The following ERC2 variants were observed in gnomAD, a reference collection of about 807,000 sequenced individuals.
ERC2 encodes the protein ELKS/RAB6-interacting/CAST family member 2, also known as ERC protein 2.
Under a neutral mutation model 114.8 loss-of-function variants are expected in ERC2, and 42 were observed. That is an observed-to-expected ratio of 0.37 (90% confidence interval 0.29 to 0.47). The LOEUF (loss-of-function observed/expected upper bound fraction) is 0.47. ERC2 is among the 20% of genes least tolerant of loss of function. The pLI, the probability that ERC2 is intolerant of heterozygous loss-of-function variation, is 0.99. For synonymous variants in ERC2, 454 were observed against 425.5 expected (o/e 1.07, Z -0.82); for missense variants, 939 against 1,150.7 (o/e 0.82, Z 2.66).
intron 7 of ERC2, among the ~76,000 whole-genome samples, chr3:56,055,726 G>A (rs2075984504): frequency 6.6e-6 from 1 of 152,182 alleles, no homozygotes; most frequent in South Asian, 2.1e-4. Flanking sequence ...CACAGCTGCA[G>A]AGAGACTCTT....
At chr3:55,848,107 T>C (rs552197567) in intron 14 of ERC2, among the ~76,000 whole-genome samples, 79 of 152,106 alleles carry the variant, frequency 5.2e-4, no homozygotes, top group African/African-American at 1.8e-3. Context: ...TAGGATATTA[T>C]CACTTTGAAA....
intron 13 of ERC2, among the ~76,000 whole-genome samples, chr3:55,910,771 A>T (rs1013085159): frequency 2.0e-5 from 3 of 152,230 alleles, no homozygotes; most frequent in African/African-American, 7.2e-5. Flanking sequence ...ACTTGCCCAC[A>T]GTCACACAGC....
chr3:55,714,866 C>G (rs7636136), intron 15 of ERC2, among the ~76,000 whole-genome samples: 2,822 of 150,456 alleles, frequency 0.019, 34 homozygotes, highest in Middle Eastern at 0.031. Flanking sequence ...AAAAAGGTTT[C>G]TCTGCTCCCT....
At chr3:55,554,898 A>G (rs74507221) in intron 17 of ERC2, among the ~76,000 whole-genome samples, 11,845 of 152,196 alleles carry the variant, frequency 0.078, 635 homozygotes, top group African/African-American at 0.14. Flanking sequence ...CTAAGCTTTC[A>G]GCTTACCCCA....
rs574793926 is a variant in ERC2, at chr3:56,368,806, A to C, written c.657+65545T>G. ...TAGCATCTTTATAATCTTCTTGTCTATTGAGAAAAAAAAAATCAGAAAAAA... is the reference window on the plus strand; with the variant it reads ...TAGCATCTTTATAATCTTCTTGTCTCTTGAGAAAAAAAAAATCAGAAAAAA... On this transcript the variant is annotated intron_variant, in intron 2 of 17. Coordinates refer to ENST00000288221, the MANE Select transcript of ERC2 (RefSeq NM_015576.3). 9.0e-4 allele frequency among the ~76,000 whole-genome samples: 136 copies of C among 151,796 alleles called. 2 individuals are homozygous for C. In the South Asian group the frequency reaches 0.028, roughly 31 times the overall value.
intron 10 of ERC2, among the ~76,000 whole-genome samples, chr3:56,005,491 T>C (rs2072411635): frequency 6.6e-6 from 1 of 152,082 alleles, no homozygotes; most frequent in Non-Finnish European, 1.5e-5. Flanking sequence ...ACACGAAAAG[T>C]ATAAGCAACA....
chr3:55,971,103 T>TA (rs113033631), intron 12 of ERC2, among the ~76,000 whole-genome samples: 2,026 of 152,140 alleles, frequency 0.013, 46 homozygotes, highest in African/African-American at 0.046. Context: ...ACATAATATA[T>TA]AATCCCAATT....
At chr3:55,757,128 C>CA (rs1192561488) in intron 14 of ERC2, among the ~76,000 whole-genome samples, 1 of 152,148 alleles carries the variant, frequency 6.6e-6, no homozygotes, top group Non-Finnish European at 1.5e-5. Flanking sequence ...GAAAAGAACA[C>CA]AGAACACCAC....
chr3:55,566,470 T>G (rs1437732748), intron 17 of ERC2, among the ~76,000 whole-genome samples: 1 of 151,636 alleles, frequency 6.6e-6, no homozygotes, highest in Non-Finnish European at 1.5e-5. Context: ...TTGCCCAGGT[T>G]GAACAGGTTG....
intron 4 of ERC2, among the ~76,000 whole-genome samples, chr3:56,166,883 T>A (rs1194569117): frequency 6.6e-6 from 1 of 152,086 alleles, no homozygotes; most frequent in Admixed American, 6.6e-5. Context: ...TTACCCTCTA[T>A]TTATTTAATG....
In ERC2 at chr3:56,409,772, G is replaced by T. The variant is rs910863650; in HGVS notation, c.657+24579C>A. 2.0e-5 allele frequency among the ~76,000 whole-genome samples: 3 copies of T among 152,164 alleles called. No individual in the cohort carries two copies. In the East Asian group the frequency reaches 5.8e-4, roughly 29 times the overall value. On this transcript the variant is annotated intron_variant, in intron 2 of 17. Transcript: ENST00000288221. ...ACTCCCTGACCCCCAGCTATACCTT[G>T]GTTCCTATTATCAGATTTCTAGAAG...
At chr3:55,705,460 G>A (rs1245776683) in intron 15 of ERC2, among the ~76,000 whole-genome samples, 1 of 152,180 alleles carries the variant, frequency 6.6e-6, no homozygotes, top group African/African-American at 2.4e-5. Context: ...GGAAATGTAT[G>A]TGAGATGAAA....
intron 3 of ERC2, among the ~76,000 whole-genome samples, chr3:56,179,664 C>T (rs1311815902): frequency 2.0e-5 from 3 of 151,502 alleles, no homozygotes; most frequent in African/African-American, 7.3e-5. Flanking sequence ...AAGAGAGAAG[C>T]AAAAGATGGC....
chr3:55,598,848 C>T (rs2058270552), intron 17 of ERC2, among the ~76,000 whole-genome samples: 1 of 152,174 alleles, frequency 6.6e-6, no homozygotes, highest in African/African-American at 2.4e-5. Flanking sequence ...GAACATTCTT[C>T]TTTGACCTAA....
chr3:56,054,268 GTGA>G, intron 7 of ERC2, among the ~76,000 whole-genome samples: 1 of 152,352 alleles, frequency 6.6e-6, no homozygotes, highest in East Asian at 1.9e-4. Flanking sequence ...ATGGGCCAGA[GTGA>G]TGAATCTGCT....
chr3:55,805,835 C>G lies in ERC2; in HGVS notation c.2565-70917G>C, dbSNP rs191317446. On this transcript the variant is annotated intron_variant, in intron 14 of 17. Transcript: ENST00000288221. Reference sequence around the variant, plus strand: ...CTTTGGCCCCTGTCTGGTTCAGATGCCTGTAATTAAACTCAACAGAAACTG... The same window carrying G: ...CTTTGGCCCCTGTCTGGTTCAGATGGCTGTAATTAAACTCAACAGAAACTG... Among the ~76,000 whole-genome samples, 60 of 152,254 alleles carry G rather than the reference C, an allele frequency of 3.9e-4. 1 individual carries two copies. In the South Asian group the frequency reaches 0.011, roughly 28 times the overall value.
intron 14 of ERC2, among the ~76,000 whole-genome samples, chr3:55,868,420 T>C (rs1488311453): frequency 1.3e-5 from 2 of 152,222 alleles, no homozygotes; most frequent in Middle Eastern, 3.2e-3. Flanking sequence ...TCTGGTGCCA[T>C]TGAGGCCGAA....
intron 3 of ERC2, among the ~76,000 whole-genome samples, chr3:56,254,630 T>G (rs2150242474): frequency 6.6e-6 from 1 of 152,330 alleles, no homozygotes; most frequent in Non-Finnish European, 1.5e-5. Flanking sequence ...ATTATGTATG[T>G]GTCAAGTCCC....
chr3:55,739,196 T>A (rs990942386), intron 14 of ERC2, among the ~76,000 whole-genome samples: 2 of 152,234 alleles, frequency 1.3e-5, no homozygotes, highest in African/African-American at 4.8e-5. Context: ...TCTTTGCTAT[T>A]GTGAATAGTG....
Sources: allele counts gnomAD v4.1 joint callset (sites outside exome capture counted in the v4.1 genomes callset), GRCh38; gene constraint gnomAD v4.1.1; transcripts MANE v1.5; gene names NCBI Gene and HGNC (gene_info 2026-07-23, HGNC 2026-07-21).